The following LINC00305 variants were observed in gnomAD, a reference collection of about 807,000 sequenced individuals.
LINC00305 encodes the protein long independently transcribed non-coding RNA 305.
At chr18:64,119,096 A>C (rs1274960425) in intron 1 of LINC00305, among the ~76,000 whole-genome samples, 2 of 152,202 alleles carry the variant, frequency 1.3e-5, no homozygotes, top group African/African-American at 4.8e-5. Flanking sequence ...TACACAGTTT[A>C]GCTGAAGAGC....
chr18:64,140,612 G>A (rs1262916646), intron 1 of LINC00305, among the ~76,000 whole-genome samples: 3 of 152,150 alleles, frequency 2.0e-5, no homozygotes, highest in Non-Finnish European at 4.4e-5. Context: ...CAAGAGCTTT[G>A]TTTTGTTGAC....
chr18:64,111,880 G>C (rs907308336), intron 1 of LINC00305, among the ~76,000 whole-genome samples: 1 of 152,144 alleles, frequency 6.6e-6, no homozygotes, highest in African/African-American at 2.4e-5. Context: ...ATGTACCTCC[G>C]GGAACAGTAA....
intron 1 of LINC00305, among the ~76,000 whole-genome samples, chr18:64,147,561 G>A (rs539282747): frequency 6.6e-6 from 1 of 152,152 alleles, no homozygotes; most frequent in South Asian, 2.1e-4. Context: ...ATTTCATCTT[G>A]TTCACCCCTA....
intron 1 of LINC00305, among the ~76,000 whole-genome samples, chr18:64,099,410 A>G (rs2144238633): frequency 6.6e-6 from 1 of 152,296 alleles, no homozygotes; most frequent in South Asian, 2.1e-4. Context: ...AGGTCAGCAG[A>G]TGTTTAAAAC....
At chr18:64,091,935 G>T (rs2051226316) in intron 3 of LINC00305, among the ~76,000 whole-genome samples, 1 of 152,166 alleles carries the variant, frequency 6.6e-6, no homozygotes, top group Non-Finnish European at 1.5e-5. Context: ...GAGACTATCT[G>T]CCCTGATAGT....
chr18:64,133,370 C>A (rs957004436), intron 1 of LINC00305, among the ~76,000 whole-genome samples: 1 of 151,848 alleles, frequency 6.6e-6, no homozygotes, highest in Non-Finnish European at 1.5e-5. Context: ...AGTTTAGAGT[C>A]CTAAATAAAT....
intron 1 of LINC00305, among the ~76,000 whole-genome samples, chr18:64,103,291 G>A (rs2051275212): frequency 6.6e-6 from 1 of 152,120 alleles, no homozygotes; most frequent in African/African-American, 2.4e-5. Flanking sequence ...GTCTTCATTC[G>A]TGTGTAGATT....
intron 3 of LINC00305, among the ~76,000 whole-genome samples, chr18:64,095,171 T>C (rs1305643875): frequency 6.6e-6 from 1 of 152,078 alleles, no homozygotes; most frequent in East Asian, 1.9e-4. Flanking sequence ...TGAGAGGCGA[T>C]TTCTAACAGC....
chr18:64,084,040 G>A (rs1465363282), intron 3 of LINC00305, among the ~76,000 whole-genome samples: 2 of 152,142 alleles, frequency 1.3e-5, no homozygotes, highest in East Asian at 3.8e-4. Context: ...TTTGCATGCA[G>A]GCTGTTAGTG....
At chr18:64,130,198 G>A (rs1210466191) in intron 1 of LINC00305, among the ~76,000 whole-genome samples, 1 of 151,994 alleles carries the variant, frequency 6.6e-6, no homozygotes, top group East Asian at 1.9e-4. Flanking sequence ...TGTACCTTCA[G>A]TAGTTTGTGC....
intron 1 of LINC00305, among the ~76,000 whole-genome samples, chr18:64,143,566 A>ATATGTATATATG (rs1356163768): frequency 2.8e-5 from 1 of 35,356 alleles, no homozygotes; most frequent in Non-Finnish European, 5.7e-5. Flanking sequence ...GTGTACATAT[A>ATATGTATATATG]TACACATATG....
At chr18:64,129,796 T>C (rs1422751037) in intron 1 of LINC00305, among the ~76,000 whole-genome samples, 2 of 152,288 alleles carry the variant, frequency 1.3e-5, no homozygotes, top group East Asian at 1.9e-4. Context: ...TGTAGCTTCC[T>C]TGTAGCCATT....
At chr18:64,090,519 A>T (rs903721892) in intron 3 of LINC00305, among the ~76,000 whole-genome samples, 1 of 152,218 alleles carries the variant, frequency 6.6e-6, no homozygotes, top group African/African-American at 2.4e-5. Context: ...GTTACCCGAA[A>T]GGGTTTATGT....
At chr18:64,092,649 G>A (rs1321608807) in intron 3 of LINC00305, among the ~76,000 whole-genome samples, 4 of 152,132 alleles carry the variant, frequency 2.6e-5, no homozygotes, top group Admixed American at 2.0e-4. Context: ...GGTCTTTGAC[G>A]CCTCCAACAA....
intron 1 of LINC00305, among the ~76,000 whole-genome samples, chr18:64,141,237 GA>G (rs1568119200): frequency 6.6e-6 from 1 of 151,752 alleles, no homozygotes; most frequent in Non-Finnish European, 1.5e-5. Context: ...GACGAATAAA[GA>G]AAAAAATAAT....
At chr18:64,138,662 C>T (rs78247435) in intron 1 of LINC00305, among the ~76,000 whole-genome samples, 1,853 of 152,174 alleles carry the variant, frequency 0.012, 20 homozygotes, top group Non-Finnish European at 0.021. Context: ...CCGTTTTTCT[C>T]ATTTTGGGGG....
intron 1 of LINC00305, among the ~76,000 whole-genome samples, chr18:64,126,589 C>T (rs2051386478): frequency 6.6e-6 from 1 of 152,062 alleles, no homozygotes; most frequent in South Asian, 2.1e-4. Flanking sequence ...TTTATTCATT[C>T]ATCTCCTTCC....
intron 1 of LINC00305, among the ~76,000 whole-genome samples, chr18:64,101,985 T>C (rs1239016518): frequency 1.3e-5 from 2 of 152,184 alleles, no homozygotes; most frequent in Non-Finnish European, 2.9e-5. Context: ...CCCCAGACAT[T>C]TCCTGAAGTG....
At chr18:64,124,241 C>T (rs1033366000) in intron 1 of LINC00305, among the ~76,000 whole-genome samples, 1 of 152,110 alleles carries the variant, frequency 6.6e-6, no homozygotes, top group Non-Finnish European at 1.5e-5. Flanking sequence ...CATGGTCATC[C>T]ACGGATCAGA....
Sources: allele counts gnomAD v4.1 joint callset (sites outside exome capture counted in the v4.1 genomes callset), GRCh38; gene constraint gnomAD v4.1.1; transcripts MANE v1.5; gene names NCBI Gene and HGNC (gene_info 2026-07-23, HGNC 2026-07-21).